Variants in GALC observed in about 807,000 individuals in gnomAD.
GALC encodes the protein galactocerebrosidase.
GALC carries 77 observed loss-of-function variants against 91.8 expected under a neutral mutation model. That is an observed-to-expected ratio of 0.84 (90% CI 0.70 to 1.01). The LOEUF (loss-of-function observed/expected upper bound fraction) is 1.01. Among genes scored for constraint, GALC ranks in the 50% least tolerant of loss-of-function variants. The pLI is 0.00. For missense variants in GALC, 882 were observed against 855.9 expected, an observed-to-expected ratio of 1.03 and a Z score of -0.38; for synonymous variants, 357 against 306.7, an observed-to-expected ratio of 1.16 and a Z score of -1.71.
At chr14:87,943,651 G>A (rs1884946809) in intron 14 of GALC, among the ~76,000 whole-genome samples, 1 of 151,990 alleles carries the variant, frequency 6.6e-6, no homozygotes, top group African/African-American at 2.4e-5. Flanking sequence ...TTCTCAGTCT[G>A]CAAGGTGGGG....
chr14:87,952,577 G>A, intron 10 of GALC: 1 of 1,162,870 alleles, frequency 8.6e-7, no homozygotes, highest in South Asian at 1.3e-5. Flanking sequence ...TTTCTTTAAT[G>A]TCCGTTGCTG....
intron 10 of GALC, among the ~76,000 whole-genome samples, chr14:87,959,095 A>T (rs1490531334): frequency 6.6e-6 from 1 of 152,216 alleles, no homozygotes; most frequent in Non-Finnish European, 1.5e-5. Context: ...CAAGGGGTTA[A>T]TATCTAGACT....
chr14:87,969,630 G>T (rs1272921702), intron 7 of GALC, among the ~76,000 whole-genome samples: 1 of 152,120 alleles, frequency 6.6e-6, no homozygotes, highest in Non-Finnish European at 1.5e-5. Flanking sequence ...CAAAATAATG[G>T]AGATTAAGTT....
intron 1 of GALC, chr14:87,992,324 A>T (rs1887233116): frequency 1.3e-6 from 2 of 1,535,638 alleles, no homozygotes; most frequent in Non-Finnish European, 1.7e-6. Flanking sequence ...GCCACCATGA[A>T]GCCCATGGGC....
At chr14:87,945,940 T>C (rs776531241) in intron 13 of GALC, among the ~76,000 whole-genome samples, 6 of 152,076 alleles carry the variant, frequency 3.9e-5, no homozygotes, top group African/African-American at 1.4e-4. Context: ...GTTCGACATA[T>C]AGATGCTGCA....
rs1365801952 is a variant in GALC, at chr14:87,980,420, C to A, written c.621+1785G>T. The A allele has an allele frequency of 8.6e-6, 6 of 700,272 alleles. No homozygotes were observed. The African/African-American group carries it at 1.2e-4, about 14-fold the overall frequency. The allele number at this position is 700,272 out of a possible 1,614,324, so 43.4% of individuals were successfully genotyped here. On this transcript the variant is annotated intron_variant, in intron 6 of 16. Coordinates refer to ENST00000261304, the MANE Select transcript of GALC (RefSeq NM_000153.4). The stretch of plus-strand genomic sequence containing the variant: ...GCCATTATTCCAGTGAATACATTAG[C>A]TTACTGATGGGGGTCAGTGCCCCCA...
At chr14:87,936,325 C>A (rs970308481) in intron 16 of GALC, among the ~76,000 whole-genome samples, 1 of 152,014 alleles carries the variant, frequency 6.6e-6, no homozygotes, top group African/African-American at 2.4e-5. Context: ...TTTATTATCT[C>A]AGGATAGGGC....
intron 16 of GALC, among the ~76,000 whole-genome samples, chr14:87,936,920 A>ATATATATATATATATATATATATT (rs1257801348): frequency 7.1e-6 from 1 of 141,396 alleles, no homozygotes; most frequent in African/African-American, 2.7e-5. Flanking sequence ...ATATTTATTT[A>ATATATATATATATATATATATATT]TTTTCTCATT....
chr14:87,986,294 TTA>T (rs1203382266), intron 4 of GALC, among the ~76,000 whole-genome samples, 193 bp downstream of exon 4: 1 of 152,150 alleles, frequency 6.6e-6, no homozygotes, highest in East Asian at 1.9e-4. Flanking sequence ...TCCACAGGTA[TTA>T]TAAGGATTCA....
At position 87,934,741 on chromosome 14, in the gene GALC, G is replaced by T. The variant is rs903149710; in HGVS notation, c.2049C>A (p.Ala683=). 1 of 1,613,186 alleles carries T rather than the reference G, an allele frequency of 6.2e-7. No homozygotes were observed. The highest frequency in any genetic ancestry group is 1.7e-5 in the Admixed American group (1 of 59,896). Residue 683 remains alanine (A), a synonymous_variant, in exon 17 of 17, where the codon GCC becomes GCA. Coordinates refer to ENST00000261304, the MANE Select transcript of GALC (RefSeq NM_000153.4). ...GATGCCCTGTTAAGTATTAGCGTGT[G>T]GCTTCCACAAGAAAGTTGTCAAACT... ...FAQFDNFLVE[A]TR
At chr14:87,979,041 T>C (rs899245862) in intron 6 of GALC, among the ~76,000 whole-genome samples, 5 of 152,028 alleles carry the variant, frequency 3.3e-5, no homozygotes, top group African/African-American at 7.2e-5. Flanking sequence ...TTTCTTTTTT[T>C]TTCTTTTCTT....
At chr14:87,977,243 A>G (rs1350733959) in intron 6 of GALC, among the ~76,000 whole-genome samples, 1 of 152,188 alleles carries the variant, frequency 6.6e-6, no homozygotes, top group Non-Finnish European at 1.5e-5. Flanking sequence ...TAAACAGGAG[A>G]GCAAATAAAA....
intron 10 of GALC, chr14:87,954,928 T>C: frequency 6.5e-7 from 1 of 1,537,750 alleles, no homozygotes; most frequent in East Asian, 2.3e-5. Context: ...ACATGATGTT[T>C]ACATCCGTGT....
chr14:87,973,734 A>T (rs1886387092), intron 7 of GALC, among the ~76,000 whole-genome samples: 1 of 152,180 alleles, frequency 6.6e-6, no homozygotes, highest in Admixed American at 6.5e-5. Context: ...CACTATTAAC[A>T]TTTTGGGCTG....
intron 6 of GALC, among the ~76,000 whole-genome samples, chr14:87,977,283 A>T (rs1458239778): frequency 6.6e-6 from 1 of 152,210 alleles, no homozygotes; most frequent in East Asian, 1.9e-4. Flanking sequence ...ACCCACAAAA[A>T]TTAAAAGTAA....
chr14:87,934,748 A>G lies in GALC; in HGVS notation c.2042T>C (p.Val681Ala), dbSNP rs768745262. Residue 681 changes from valine (V) to alanine (A), a missense_variant, in exon 17 of 17, where the codon GTG becomes GCG. Val to Ala is a moderately conservative substitution (Grantham distance 64). Coordinates refer to ENST00000261304, the MANE Select transcript of GALC (RefSeq NM_000153.4). ...TGTTAAGTATTAGCGTGTGGCTTCC[A>G]CAAGAAAGTTGTCAAACTGTGCAAA... ...FEFAQFDNFL[V>A]EATR 5.0e-6 allele frequency: 8 copies of G among 1,613,272 alleles called. No homozygotes were observed. The highest frequency in any genetic ancestry group is 5.9e-6 in the Non-Finnish European group (7 of 1,179,448).
intron 15 of GALC, 130 bp downstream of exon 15, chr14:87,941,265 T>A: frequency 1.5e-6 from 1 of 683,940 alleles, no homozygotes; most frequent in Non-Finnish European, 2.6e-6. Flanking sequence ...TTTGCTTACA[T>A]CCCTTCCCAA....
intron 6 of GALC, among the ~76,000 whole-genome samples, chr14:87,977,040 G>C (rs1886526708): frequency 7.0e-6 from 1 of 142,356 alleles, no homozygotes; most frequent in African/African-American, 2.7e-5. Flanking sequence ...TATGGGGGGG[G>C]GGGGATGAAA....
intron 2 of GALC, 29 bp downstream of exon 2, chr14:87,988,426 G>A (rs1231157155): frequency 1.4e-6 from 2 of 1,447,458 alleles, no homozygotes; most frequent in East Asian, 2.3e-5. Flanking sequence ...AATATCACAG[G>A]TACCATGAAA....
Sources: allele counts gnomAD v4.1 joint callset (sites outside exome capture counted in the v4.1 genomes callset), GRCh38; gene constraint gnomAD v4.1.1; transcripts MANE v1.5; gene names NCBI Gene and HGNC (gene_info 2026-07-23, HGNC 2026-07-21).